DLGAP4: variants seen among roughly 807,000 people sequenced by gnomAD.
DLGAP4 encodes the protein DLG associated protein 4, also known as disks large-associated protein 4.
A neutral mutation model predicts 86.9 loss-of-function variants in DLGAP4; 18 were observed. That is an observed-to-expected ratio of 0.21 (90% CI 0.14 to 0.31). The LOEUF (loss-of-function observed/expected upper bound fraction) is 0.31, where lower values mean the gene tolerates loss of function less well. Ranked by LOEUF, DLGAP4 falls within the 10% of genes least tolerant of loss-of-function variation. The pLI, the probability that DLGAP4 is intolerant of heterozygous loss-of-function variation, is 1.00. For missense variants in DLGAP4, 1,085 were observed against 1,362.6 expected (o/e 0.80, Z 3.21); for synonymous variants, 548 against 574.3 (o/e 0.95, Z 0.65).
chr20:36,517,432 A>G (rs1371691730), intron 10 of DLGAP4, among the ~76,000 whole-genome samples: 1 of 151,892 alleles, frequency 6.6e-6, no homozygotes, highest in Non-Finnish European at 1.5e-5. Flanking sequence ...ACACCCGGTT[A>G]TTTTTTGTAT....
intron 10 of DLGAP4, among the ~76,000 whole-genome samples, chr20:36,506,151 G>C (rs1240950264): frequency 6.6e-6 from 1 of 152,128 alleles, no homozygotes; most frequent in African/African-American, 2.4e-5. Flanking sequence ...ACGACATGTG[G>C]CTAGTAGCTG....
chr20:36,468,065 C>A (rs546797242), intron 7 of DLGAP4, among the ~76,000 whole-genome samples: 1 of 152,198 alleles, frequency 6.6e-6, no homozygotes, highest in Non-Finnish European at 1.5e-5. Flanking sequence ...TCCTAAAAGC[C>A]CACAAATCTT....
At chr20:36,343,244 C>T (rs1335244846) in intron 1 of DLGAP4, among the ~76,000 whole-genome samples, 6 of 152,184 alleles carry the variant, frequency 3.9e-5, no homozygotes, top group African/African-American at 1.2e-4. Context: ...CTGCAGACAT[C>T]GTGGCAACGA....
At chr20:36,441,536 C>T (rs551941529) in intron 5 of DLGAP4, among the ~76,000 whole-genome samples, 1 of 152,316 alleles carries the variant, frequency 6.6e-6, no homozygotes, top group South Asian at 2.1e-4. Context: ...AATGCTGTCT[C>T]CCTCTTAAAA....
At chr20:36,337,120 C>A (rs540645398) in intron 1 of DLGAP4, among the ~76,000 whole-genome samples, 1 of 152,272 alleles carries the variant, frequency 6.6e-6, no homozygotes, top group South Asian at 2.1e-4. Flanking sequence ...TCATTCTGCG[C>A]ATCAGAAACT....
chr20:36,476,344 T>TTTG (rs1491249009), intron 7 of DLGAP4, among the ~76,000 whole-genome samples: 14 of 140,350 alleles, frequency 1.0e-4, no homozygotes, highest in African/African-American at 3.5e-4. Context: ...TTTTTTTTTT[T>TTTG]GGAGACACAG....
chr20:36,483,363 G>A (rs951192051), intron 7 of DLGAP4, among the ~76,000 whole-genome samples: 5 of 152,138 alleles, frequency 3.3e-5, no homozygotes, highest in African/African-American at 7.2e-5. Flanking sequence ...CTGAATGCCC[G>A]GAACTGGTGT....
chr20:36,454,461 A>C (rs1399683304), intron 7 of DLGAP4, among the ~76,000 whole-genome samples: 3 of 152,102 alleles, frequency 2.0e-5, no homozygotes, highest in Non-Finnish European at 4.4e-5. Flanking sequence ...GATCAGTATA[A>C]AACTTGTACA....
intron 2 of DLGAP4, among the ~76,000 whole-genome samples, chr20:36,386,539 A>T (rs1412213093): frequency 1.3e-5 from 2 of 152,102 alleles, no homozygotes; most frequent in Non-Finnish European, 2.9e-5. Context: ...ATGTAGAGGG[A>T]ACTCACAAAC....
At chr20:36,446,601 G>C in intron 6 of DLGAP4, 96 bp from the exon 7 acceptor site, 1 of 1,209,964 alleles carries the variant, frequency 8.3e-7, no homozygotes, top group Non-Finnish European at 1.2e-6. Context: ...AGACCCCACA[G>C]ACTGTCCAGC....
At chr20:36,369,501 G>C (rs2030838088) in intron 2 of DLGAP4, among the ~76,000 whole-genome samples, 1 of 152,148 alleles carries the variant, frequency 6.6e-6, no homozygotes, top group Non-Finnish European at 1.5e-5. Context: ...GCTGAGACAG[G>C]GGAATTGCTT....
intron 1 of DLGAP4, among the ~76,000 whole-genome samples, chr20:36,331,212 C>G (rs1157811852): frequency 6.6e-6 from 1 of 152,226 alleles, no homozygotes; most frequent in Non-Finnish European, 1.5e-5. Flanking sequence ...TCCAAAGATG[C>G]CTATTGAGCG....
At chr20:36,424,286 A>G (rs936506447) in intron 2 of DLGAP4, among the ~76,000 whole-genome samples, 1 of 152,146 alleles carries the variant, frequency 6.6e-6, no homozygotes, top group Non-Finnish European at 1.5e-5. Context: ...GTTGTTCTGA[A>G]TTGGGGCAAG....
At chr20:36,470,181 C>A (rs572986322) in intron 7 of DLGAP4, among the ~76,000 whole-genome samples, 1 of 152,264 alleles carries the variant, frequency 6.6e-6, no homozygotes, top group East Asian at 1.9e-4. Flanking sequence ...AATTTCCCGT[C>A]CTTCCTGTAG....
At chr20:36,467,017 C>CCTCTCTCTCTCTCTCTCTCTCT in intron 7 of DLGAP4, among the ~76,000 whole-genome samples, 1 of 50,360 alleles carries the variant, frequency 2.0e-5, no homozygotes, top group African/African-American at 1.3e-4. Flanking sequence ...CTCTCTCTCT[C>CCTCTCTCTCTCTCTCTCTCTCT]CTCTCTCTCT....
chr20:36,388,995 G>T (rs2031697600), intron 2 of DLGAP4, among the ~76,000 whole-genome samples: 1 of 152,210 alleles, frequency 6.6e-6, no homozygotes, highest in African/African-American at 2.4e-5. Context: ...AGAGGAGTCA[G>T]GGCCAAGTCC....
Position 36,439,875 on chromosome 20 carries a change from G to C in DLGAP4, c.1356+7G>C. ...CTCCAGCTGCATCAGCCAGGTGAGG[G>C]TGGCAGGGAGGCTGGAGAGTCAGGG... On this transcript the variant is annotated splice_region_variant and intron_variant, in intron 5 of 12. Transcript: ENST00000339266. The C allele has an allele frequency of 6.2e-7, 1 of 1,610,944 alleles. No homozygotes were observed. The highest frequency in any genetic ancestry group is 8.5e-7 in the Non-Finnish European group (1 of 1,178,780).
chr20:36,333,687 C>T (rs906630732), intron 1 of DLGAP4, among the ~76,000 whole-genome samples: 4 of 152,246 alleles, frequency 2.6e-5, no homozygotes, highest in African/African-American at 7.2e-5. Flanking sequence ...GCACATCACA[C>T]GGCATTCTGT....
chr20:36,417,631 A>G (rs1328057888), intron 2 of DLGAP4, among the ~76,000 whole-genome samples: 2 of 151,908 alleles, frequency 1.3e-5, no homozygotes, highest in Non-Finnish European at 2.9e-5. Context: ...TGATCCTCCC[A>G]CCTTGGCCTC....
Sources: gnomAD v4.1 joint callset for allele counts (sites outside exome capture counted in the v4.1 genomes callset) on GRCh38, gnomAD v4.1.1 for gene constraint, MANE v1.5 for transcripts, NCBI Gene and HGNC (gene_info 2026-07-23, HGNC 2026-07-21) for gene names.